Variants in RPAP1 observed in about 807,000 individuals in gnomAD.
The protein encoded by RPAP1 is RNA polymerase II-associated protein 1.
RPAP1 carries 109 observed loss-of-function variants against 142.4 expected under a neutral mutation model. The ratio of observed to expected loss-of-function variants is 0.77; its 90% CI spans 0.66 to 0.90. RPAP1 has a LOEUF of 0.90. RPAP1 is among the 40% of genes least tolerant of loss of function. The probability of loss-of-function intolerance (pLI) is 0.00; values close to 1 mark genes in which losing one functional copy is unlikely to be tolerated. For missense variants in RPAP1, 1,546 were observed against 1,751.7 expected (o/e 0.88, Z 2.10); for synonymous variants, 704 against 738.9 (o/e 0.95, Z 0.77).
intron 1 of RPAP1, among the ~76,000 whole-genome samples, chr15:41,541,146 G>A (rs2051968511): frequency 1.3e-5 from 2 of 152,170 alleles, no homozygotes; most frequent in South Asian, 4.1e-4. Context: ...AATAGGGCCG[G>A]GCGCAGTGGC....
intron 12 of RPAP1, 31 bp downstream of exon 12, chr15:41,527,392 C>T (rs2140770174): frequency 6.2e-7 from 1 of 1,613,336 alleles, no homozygotes; most frequent in East Asian, 2.2e-5. Context: ...GTCCCCTGGG[C>T]CATGGGATGG....
intron 6 of RPAP1, among the ~76,000 whole-genome samples, chr15:41,533,951 G>A (rs1469144199): frequency 2.6e-5 from 4 of 150,968 alleles, no homozygotes; most frequent in Admixed American, 6.6e-5. Flanking sequence ...GTGAAACTCC[G>A]TCTCTACTAA....
intron 19 of RPAP1, 64 bp downstream of exon 19, chr15:41,522,701 T>TA: frequency 2.3e-6 from 1 of 434,466 alleles, no homozygotes; most frequent in Non-Finnish European, 4.3e-6. Context: ...ACCCTCCCAC[T>TA]TTCTTTCTGA....
At chr15:41,521,263 C>A in intron 21 of RPAP1, 116 bp from the exon 22 acceptor site, 1 of 1,016,058 alleles carries the variant, frequency 9.8e-7, no homozygotes, top group Non-Finnish European at 1.4e-6. Flanking sequence ...CTCTCTGCTC[C>A]CTTAACTACT....
intron 1 of RPAP1, among the ~76,000 whole-genome samples, chr15:41,538,995 C>T (rs1426754767): frequency 6.6e-6 from 1 of 152,138 alleles, no homozygotes; most frequent in African/African-American, 2.4e-5. Context: ...TAGTAGTTGC[C>T]AGGGGCTAGG....
At chr15:41,531,881 G>A (rs1055518689) in intron 6 of RPAP1, among the ~76,000 whole-genome samples, 4 of 150,370 alleles carry the variant, frequency 2.7e-5, no homozygotes, top group African/African-American at 9.8e-5. Flanking sequence ...AAAGAGATAG[G>A]GTCTTGCTCT....
chr15:41,528,890 G>A (rs1473064055), intron 9 of RPAP1, among the ~76,000 whole-genome samples: 1 of 152,188 alleles, frequency 6.6e-6, no homozygotes, highest in African/African-American at 2.4e-5. Flanking sequence ...CAGCACAGCA[G>A]CCCCGAGAGA....
chr15:41,523,726 G>A (rs1443033197), intron 17 of RPAP1, 45 bp downstream of exon 17: 18 of 1,513,828 alleles, frequency 1.2e-5, no homozygotes, highest in Non-Finnish European at 1.5e-5. Context: ...TGTAGCTGAA[G>A]GCAGGGTGCG....
At position 41,541,127 on chromosome 15, in the gene RPAP1, G is replaced by A. The variant is rs146600240; in HGVS notation, c.-77+3092C>T. The stretch of plus-strand genomic sequence containing the variant: ...GAAGGGAGAGCTGGGCAAAGGTATA[G>A]AAGCAGGGAATAGGGCCGGGCGCAG... On this transcript the variant is annotated intron_variant, in intron 1 of 24. Coordinates refer to ENST00000304330, the MANE Select transcript of RPAP1 (RefSeq NM_015540.4). Among the ~76,000 whole-genome samples, 536 of 152,164 alleles carry A rather than the reference G, an allele frequency of 3.5e-3. 1 individual carries two copies. Among genetic ancestry groups the A allele is most frequent in the South Asian group, 5.4e-3 (26 of 4,818 alleles).
chr15:41,542,124 C>T (rs1313566643), intron 1 of RPAP1, among the ~76,000 whole-genome samples: 1 of 152,118 alleles, frequency 6.6e-6, no homozygotes, highest in Non-Finnish European at 1.5e-5. Context: ...GTTCAAGGGG[C>T]TTACTGGGGA....
At position 41,536,507 on chromosome 15, in the gene RPAP1, C is replaced by T; in HGVS notation, c.324G>A (p.Lys108=). Residue 108 remains lysine, a synonymous_variant, in exon 3 of 25, where the codon AAG becomes AAA. Transcript: ENST00000304330. ...CAGCCAGAGTGAGACGCACAATAAT[C>T]TTAGTCAAGACAGCAGTGATGTGCT... ...HDQHITAVLT[K]IIERDTSSVA... is the part of the protein sequence containing the mutation. 1.2e-6 allele frequency: 2 copies of T among 1,614,094 alleles called. No individual in the cohort carries two copies. Among genetic ancestry groups the T allele is most frequent in the Non-Finnish European group, 1.7e-6 (2 of 1,180,010 alleles).
In RPAP1 at chr15:41,517,488, T is replaced by C. The variant is rs2051676890; in HGVS notation, c.*54A>G. The C allele has an allele frequency of 4.8e-6, 7 of 1,456,528 alleles. No individual in the cohort carries two copies. The highest frequency in any genetic ancestry group is 6.5e-6 in the Non-Finnish European group (7 of 1,082,242). 90.2% of individuals were successfully genotyped at this position (1,456,528 alleles called of 1,614,324 possible). ...TGTTCTTCGTCTGGCCAGACATCTG[T>C]TGAAAGGCTGGATACAGGACAACGT... On this transcript the variant is annotated 3_prime_UTR_variant, in exon 25 of 25. Transcript: ENST00000304330.
At position 41,537,066 on chromosome 15, in the gene RPAP1, C is replaced by T. The variant is rs144199290; in HGVS notation, c.60G>A (p.Gln20=). ...SEVDLLHFQS[Q]FLAAGAAPAV... is the part of the protein sequence containing the mutation. ...CTGGGGCTGCACCAGCTGCGAGAAA[C>T]TGACTCTGGAAGTGCAGCAGGTCCA... Residue 20 remains glutamine, a synonymous_variant, in exon 2 of 25, where the codon CAG becomes CAA. Transcript: ENST00000304330. The T allele has an allele frequency of 1.2e-6, 2 of 1,614,144 alleles. No individual in the cohort carries two copies. Among genetic ancestry groups the T allele is most frequent in the East Asian group, 2.2e-5 (1 of 44,872 alleles).
At chr15:41,540,724 T>C (rs2051963998) in intron 1 of RPAP1, among the ~76,000 whole-genome samples, 1 of 152,172 alleles carries the variant, frequency 6.6e-6, no homozygotes, top group Non-Finnish European at 1.5e-5. Context: ...CAGTCCATGC[T>C]CTTACCCACT....
chr15:41,517,468 T>G lies in RPAP1; in HGVS notation c.*74A>C. 7.3e-7 allele frequency: 1 copy of G among 1,362,348 alleles called. No homozygotes were observed. Among genetic ancestry groups the G allele is most frequent in the East Asian group, 2.3e-5 (1 of 43,138 alleles). The allele number at this position is 1,362,348 out of a possible 1,614,324, so 84.4% of individuals were successfully genotyped here. A position where few individuals can be genotyped will look rare whatever the true frequency, so the allele number is the denominator to read the frequency against. On this transcript the variant is annotated 3_prime_UTR_variant, in exon 25 of 25. Coordinates refer to ENST00000304330, the MANE Select transcript of RPAP1 (RefSeq NM_015540.4). ...TGCCTACCATTAGGACACAATGTTC[T>G]TCGTCTGGCCAGACATCTGTTGAAA... is the stretch of plus-strand genomic sequence containing the variant.
intron 22 of RPAP1, 119 bp from the exon 23 acceptor site, chr15:41,518,301 A>G (rs2140753448): frequency 2.5e-6 from 2 of 814,308 alleles, no homozygotes; most frequent in Non-Finnish European, 3.7e-6. Context: ...GTCCTAGACA[A>G]ACATCTGTCC....
At chr15:41,522,705 TTTC>T in intron 19 of RPAP1, 57 bp downstream of exon 19, 1 of 882,150 alleles carries the variant, frequency 1.1e-6, no homozygotes, top group African/African-American at 1.8e-5. Context: ...TCCCACTTTC[TTTC>T]TGATTCCTGC....
intron 22 of RPAP1, 39 bp from the exon 23 acceptor site, chr15:41,518,221 G>C (rs757194188): frequency 2.6e-6 from 4 of 1,518,588 alleles, no homozygotes; most frequent in African/African-American, 2.8e-5. Flanking sequence ...GGGAGGGTAG[G>C]AATGTATATA....
intron 6 of RPAP1, among the ~76,000 whole-genome samples, chr15:41,531,627 A>ATTTTTTTTTT (rs150550154): frequency 9.1e-5 from 2 of 22,030 alleles, no homozygotes; most frequent in African/African-American, 2.2e-4. Flanking sequence ...ATATATATAT[A>ATTTTTTTTTT]TTTTTTTTTT....
Sources: gnomAD v4.1 joint callset for allele counts (sites outside exome capture counted in the v4.1 genomes callset) on GRCh38, gnomAD v4.1.1 for gene constraint, MANE v1.5 for transcripts, NCBI Gene and HGNC (gene_info 2026-07-23, HGNC 2026-07-21) for gene names.